The following RHOG variants were observed in gnomAD, a reference collection of about 807,000 sequenced individuals.
RHOG encodes the protein ras homolog family member G.
In RHOG, 1 loss-of-function variant was observed where a neutral mutation model predicts 12.3. The ratio of observed to expected loss-of-function variants is 0.08; its 90% CI spans 0.03 to 0.39. The LOEUF (loss-of-function observed/expected upper bound fraction) is 0.39, where lower values mean the gene tolerates loss of function less well. RHOG is among the 10% of genes least tolerant of loss of function. The pLI is 0.99. For synonymous variants in RHOG, 129 were observed against 116.0 expected (o/e 1.11, Z -0.72); for missense variants, 114 against 266.2 (o/e 0.43, Z 3.98).
intron 1 of RHOG, among the ~76,000 whole-genome samples, chr11:3,829,248 AATTT>A (rs2090111747): frequency 3.2e-5 from 3 of 95,168 alleles, no homozygotes; most frequent in Non-Finnish European, 2.4e-5. Context: ...GCAATGGGGA[AATTT>A]TTTTTTTTTT....
intron 1 of RHOG, among the ~76,000 whole-genome samples, chr11:3,832,545 G>A (rs187099894): frequency 6.6e-6 from 1 of 152,300 alleles, no homozygotes; most frequent in Non-Finnish European, 1.5e-5. Flanking sequence ...AATACACTTT[G>A]TAAACTGAAG....
At chr11:3,840,540 C>CG (rs939711045) in intron 1 of RHOG, 1 of 94,560 alleles carries the variant, frequency 1.1e-5, no homozygotes, top group East Asian at 4.4e-4. Context: ...CTCAACACCC[C>CG]CCCCACCAAC....
In RHOG at chr11:3,827,449, C is replaced by T; in HGVS notation, c.*114G>A. On this transcript the variant is annotated 3_prime_UTR_variant, in exon 2 of 2. Coordinates refer to ENST00000351018, the MANE Select transcript of RHOG (RefSeq NM_001665.4). This position sits in a 1 kb window ranked among gnomAD's most constrained non-coding sequence, Gnocchi z 7.3. ...CTCAGAGAAAAAGGCATTCAGGGAA[C>T]CCCCTGGAAAGGGGTGCCAGAATTA... 1 of 817,082 alleles carries T rather than the reference C, an allele frequency of 1.2e-6. No homozygotes were observed. Among genetic ancestry groups the T allele is most frequent in the Non-Finnish European group, 1.9e-6 (1 of 525,568 alleles). The allele number at this position is 817,082 out of a possible 1,614,324, so 50.6% of individuals were successfully genotyped here. A position where few individuals can be genotyped will look rare whatever the true frequency, so the allele number is the denominator to read the frequency against.
chr11:3,840,714 C>G (rs1358772070), intron 1 of RHOG, 180 bp downstream of exon 1: 1 of 152,406 alleles, frequency 6.6e-6, no homozygotes, highest in Non-Finnish European at 1.5e-5. Context: ...TCCGCCGGCT[C>G]GCAGTGGCCC....
At chr11:3,835,754 C>T (rs555758721) in intron 1 of RHOG, among the ~76,000 whole-genome samples, 42 of 152,324 alleles carry the variant, frequency 2.8e-4, no homozygotes, top group African/African-American at 9.1e-4. Context: ...CGACAGGCTA[C>T]AGACTGGGAA....
At chr11:3,838,937 G>A (rs1299477940) in intron 1 of RHOG, among the ~76,000 whole-genome samples, 1 of 152,188 alleles carries the variant, frequency 6.6e-6, no homozygotes, top group Non-Finnish European at 1.5e-5. Context: ...CCTGAAGGCA[G>A]AGGGGTCAGT....
At chr11:3,837,133 C>T (rs2090162678) in intron 1 of RHOG, among the ~76,000 whole-genome samples, 3 of 152,080 alleles carry the variant, frequency 2.0e-5, no homozygotes, top group Admixed American at 2.0e-4. Context: ...TACAGAAGTG[C>T]CATCCTGCAA....
At chr11:3,830,984 C>A (rs1379545606) in intron 1 of RHOG, among the ~76,000 whole-genome samples, 1 of 152,090 alleles carries the variant, frequency 6.6e-6, no homozygotes, top group Non-Finnish European at 1.5e-5. Context: ...CCCTGACTGT[C>A]TCCCACAACC....
At chr11:3,835,646 A>G (rs11029997) in intron 1 of RHOG, among the ~76,000 whole-genome samples, 5,666 of 152,274 alleles carry the variant, frequency 0.037, 160 homozygotes, top group Non-Finnish European at 0.055. Context: ...TAATAAACAC[A>G]TAAGCTATAC....
chr11:3,827,294 G>A lies in RHOG; in HGVS notation c.*269C>T, dbSNP rs566693769. On this transcript the variant is annotated 3_prime_UTR_variant, in exon 2 of 2. Coordinates refer to ENST00000351018, the MANE Select transcript of RHOG (RefSeq NM_001665.4). The surrounding 1 kb of genome is among the most constrained non-coding windows in gnomAD (Gnocchi z 7.3). ...GTAGCGGAAAATGGGAGGGGGCACT[G>A]GGTTGGCCTCTTGGGGAGGGGTCCA... 4.4e-4 allele frequency: 225 copies of A among 512,652 alleles called. No individual in the cohort carries two copies. The highest frequency in any genetic ancestry group is 6.6e-4 in the Non-Finnish European group (187 of 285,298). The allele number at this position is 512,652 out of a possible 1,614,324, so 31.8% of individuals were successfully genotyped here.
intron 1 of RHOG, among the ~76,000 whole-genome samples, chr11:3,831,837 C>G (rs1427975386): frequency 6.6e-6 from 1 of 152,172 alleles, no homozygotes; most frequent in African/African-American, 2.4e-5. Context: ...GACAGTATGA[C>G]TGAAAAGCCC....
chr11:3,839,812 G>C (rs2090180122), intron 1 of RHOG, among the ~76,000 whole-genome samples: 1 of 152,184 alleles, frequency 6.6e-6, no homozygotes, highest in Non-Finnish European at 1.5e-5. Flanking sequence ...CAAAAGGAAT[G>C]AGGGGTGATG....
At chr11:3,838,105 G>C (rs951580210) in intron 1 of RHOG, among the ~76,000 whole-genome samples, 10 of 152,200 alleles carry the variant, frequency 6.6e-5, no homozygotes, top group Non-Finnish European at 1.5e-4. Flanking sequence ...CCACTAATGG[G>C]TCTACAGTAT....
rs918678475 is a variant in RHOG at position 3,828,195 on chromosome 11, G to A, written c.-57C>T. 6.7e-7 allele frequency: 1 copy of A among 1,494,642 alleles called. No homozygotes were observed. The highest frequency in any genetic ancestry group is 9.2e-7 in the Non-Finnish European group (1 of 1,091,474). The allele number at this position is 1,494,642 out of a possible 1,614,324, so 92.6% of individuals were successfully genotyped here. A position where few individuals can be genotyped will look rare whatever the true frequency, so the allele number is the denominator to read the frequency against. On this transcript the variant is annotated 5_prime_UTR_variant, in exon 2 of 2. Transcript: ENST00000351018. ...CCTCCTCTCTCTTCTGGACCCCTCT[G>A]GCTGCAGTGACCTGTGGACAGATGA...
chr11:3,840,039 G>C (rs1316277864), intron 1 of RHOG, among the ~76,000 whole-genome samples: 1 of 152,158 alleles, frequency 6.6e-6, no homozygotes, highest in African/African-American at 2.4e-5. Context: ...GGAGGGAGAC[G>C]ACAGGAGCAT....
In RHOG at chr11:3,827,889, T is replaced by C. The variant is rs2090093082; in HGVS notation, c.250A>G (p.Ile84Val). ...QTNVFVICFS[I>V]ASPPSYENVR... ...TTCTCATAGGACGGCGGACTGGCAA[T>C]GGAGAAACAGATGACGAAAACGTTG... Residue 84 changes from isoleucine (I) to valine (V), a missense_variant, in exon 2 of 2, where the codon ATT becomes GTT. Ile to Val is a conservative substitution (Grantham distance 29, BLOSUM62 3). Coordinates refer to ENST00000351018, the MANE Select transcript of RHOG (RefSeq NM_001665.4). The surrounding 1 kb of genome is among the most constrained non-coding windows in gnomAD (Gnocchi z 7.3). 3 of 1,614,166 alleles carry C rather than the reference T, an allele frequency of 1.9e-6. No homozygotes were observed. Among genetic ancestry groups the C allele is most frequent in the Non-Finnish European group, 2.5e-6 (3 of 1,180,020 alleles).
In RHOG at chr11:3,827,722, C is replaced by A. The variant is rs140581232; in HGVS notation, c.417G>T (p.Pro139=). ...GCTTGGCCAGTGCCTGGCCCTGCTGCGGTGTGATGGGCGCCTGGCCCTGCT... is the reference window on the plus strand; with the variant it reads ...GCTTGGCCAGTGCCTGGCCCTGCTGAGGTGTGATGGGCGCCTGGCCCTGCT... The part of the protein sequence containing the change: ...LKEQGQAPIT[P]QQGQALAKQI... Residue 139 remains proline, a synonymous_variant, in exon 2 of 2, where the codon CCG becomes CCT. Coordinates refer to ENST00000351018, the MANE Select transcript of RHOG (RefSeq NM_001665.4). This position sits in a 1 kb window ranked among gnomAD's most constrained non-coding sequence, Gnocchi z 7.3. 2 of 1,614,046 alleles carry A rather than the reference C, an allele frequency of 1.2e-6. No individual in the cohort carries two copies. Among genetic ancestry groups the A allele is most frequent in the Admixed American group, 3.3e-5 (2 of 60,016 alleles).
chr11:3,837,632 T>A (rs2090165396), intron 1 of RHOG, among the ~76,000 whole-genome samples: 1 of 152,190 alleles, frequency 6.6e-6, no homozygotes, highest in Non-Finnish European at 1.5e-5. Context: ...GTAGCAAATC[T>A]ACGACAAGGA....
At chr11:3,836,394 G>A (rs2090156660) in intron 1 of RHOG, among the ~76,000 whole-genome samples, 1 of 150,234 alleles carries the variant, frequency 6.7e-6, no homozygotes, top group African/African-American at 2.4e-5. Context: ...ATCCATGCTG[G>A]AGGACTCTCC....
Sources: allele counts gnomAD v4.1 joint callset (sites outside exome capture counted in the v4.1 genomes callset), GRCh38; gene constraint gnomAD v4.1.1; non-coding constraint Gnocchi (gnomAD v3.1); transcripts MANE v1.5; gene names NCBI Gene and HGNC (gene_info 2026-07-23, HGNC 2026-07-21).